NIPBL: variants seen among roughly 807,000 people sequenced by gnomAD.
NIPBL encodes the protein nipped-B-like protein.
Under a neutral mutation model 321.8 loss-of-function variants are expected in NIPBL, and 19 were observed. That is an observed-to-expected ratio of 0.06 (90% CI 0.04 to 0.09). NIPBL has a LOEUF of 0.09. NIPBL is among the 10% of genes least tolerant of loss of function. The pLI is 1.00. For synonymous variants in NIPBL, 1,106 were observed against 1,114.1 expected (o/e 0.99, Z 0.14); for missense variants, 2,210 against 3,327.0 (o/e 0.66, Z 8.26).
chr5:36,989,385 G>C (rs960425791), intron 10 of NIPBL, among the ~76,000 whole-genome samples: 2 of 152,104 alleles, frequency 1.3e-5, no homozygotes, highest in Non-Finnish European at 2.9e-5. Flanking sequence ...GGGAGGGGTG[G>C]AGGGGGCAGT....
At chr5:36,904,298 A>G (rs770823036) in intron 1 of NIPBL, among the ~76,000 whole-genome samples, 2 of 152,262 alleles carry the variant, frequency 1.3e-5, no homozygotes, top group East Asian at 1.9e-4. Flanking sequence ...GTGAAACCCT[A>G]TCTCTGCTAA....
intron 1 of NIPBL, among the ~76,000 whole-genome samples, chr5:36,934,944 ACACT>A (rs1385711029): frequency 6.6e-6 from 1 of 152,154 alleles, no homozygotes; most frequent in Non-Finnish European, 1.5e-5. Context: ...AGAAGGACTC[ACACT>A]CACCATGCGC....
chr5:36,991,670 C>G (rs34218486), intron 10 of NIPBL, among the ~76,000 whole-genome samples: 3 of 151,290 alleles, frequency 2.0e-5, no homozygotes, highest in African/African-American at 7.3e-5. Flanking sequence ...GTTGAAGATC[C>G]ATTTGGTGCT....
In NIPBL at chr5:36,984,826, G is replaced by A; in HGVS notation, c.1646G>A (p.Gly549Glu). 1 of 1,613,862 alleles carries A rather than the reference G, an allele frequency of 6.2e-7. No individual in the cohort carries two copies. The highest frequency in any genetic ancestry group is 8.5e-7 in the Non-Finnish European group (1 of 1,179,856). ...GTTAGCATTGATCTTCATCAGGCAG[G>A]AAGAGTGGACTCTCAGGCTTCTATA... ...LMVSIDLHQA[G>E]RVDSQASITQ... The change falls in exon 10 of 47, where the codon GGA becomes GAA. Residue 549 changes from glycine (G) to glutamate (E), a missense_variant. By Grantham distance (98) the Gly-to-Glu change is moderately conservative. Around this residue, in one of 14 missense-constraint regions of NIPBL, gnomAD observed 588 missense variants for 564.1 expected, o/e 1.04. Coordinates refer to ENST00000282516, the MANE Select transcript of NIPBL (RefSeq NM_133433.4).
intron 1 of NIPBL, chr5:36,886,494 T>C (rs961196509): frequency 1.8e-5 from 14 of 758,710 alleles, no homozygotes; most frequent in Non-Finnish European, 3.1e-5. Flanking sequence ...TTCTGAGACA[T>C]TAAGTCAGCA....
rs551379203 is a variant in NIPBL, at chr5:36,998,148, C to T, written c.3305-2225C>T. Among the ~76,000 whole-genome samples, 4 of 152,186 alleles carry T rather than the reference C, an allele frequency of 2.6e-5. No homozygotes were observed. The South Asian group carries it at 6.2e-4, about 24-fold the overall frequency. ...TAGAGAACACCCAAGTCATGTTTTACGTACCTCTCTTTTGAGTCCTTTCCC... is the reference window on the plus strand; with the variant it reads ...TAGAGAACACCCAAGTCATGTTTTATGTACCTCTCTTTTGAGTCCTTTCCC... On this transcript the variant is annotated intron_variant, in intron 11 of 46. Coordinates refer to ENST00000282516, the MANE Select transcript of NIPBL (RefSeq NM_133433.4).
At chr5:37,002,275 A>T (rs1185124990) in intron 14 of NIPBL, among the ~76,000 whole-genome samples, 1 of 152,124 alleles carries the variant, frequency 6.6e-6, no homozygotes, top group Non-Finnish European at 1.5e-5. Flanking sequence ...AGAGATATAA[A>T]TACTTTGACC....
intron 10 of NIPBL, among the ~76,000 whole-genome samples, chr5:36,989,532 G>A (rs1745236805): frequency 1.3e-5 from 2 of 152,048 alleles, no homozygotes; most frequent in Non-Finnish European, 1.5e-5. Flanking sequence ...AATGTATAGT[G>A]TCTCTAAATT....
intron 1 of NIPBL, among the ~76,000 whole-genome samples, chr5:36,953,385 G>A (rs978720376): frequency 2.0e-5 from 3 of 152,022 alleles, no homozygotes; most frequent in African/African-American, 7.2e-5. Context: ...TTTCCTCTTA[G>A]TAAAATGCAA....
rs1244648480 is a variant in NIPBL at position 36,970,983 on chromosome 5, A to C, written c.718A>C (p.Arg240=). Residue 240 remains arginine, a synonymous_variant, in exon 7 of 47, where the codon AGA becomes CGA. Transcript: ENST00000282516. ...NSANHHADNP[R]HGSSEDYLHM... ...AGCTAATCATCATGCTGATAATCCTAGACATGGTTCAAGTGAGGACTACCT... is the reference window on the plus strand; with the variant it reads ...AGCTAATCATCATGCTGATAATCCTCGACATGGTTCAAGTGAGGACTACCT... 6.2e-7 allele frequency: 1 copy of C among 1,613,612 alleles called. No homozygotes were observed. Among genetic ancestry groups the C allele is most frequent in the Non-Finnish European group, 8.5e-7 (1 of 1,179,678 alleles).
intron 1 of NIPBL, among the ~76,000 whole-genome samples, chr5:36,948,610 T>C (rs1379296929): frequency 6.6e-6 from 1 of 151,920 alleles, no homozygotes; most frequent in Non-Finnish European, 1.5e-5. Context: ...TTGTGCTTGG[T>C]AAGATTCATT....
intron 45 of NIPBL, among the ~76,000 whole-genome samples, chr5:37,062,792 C>T (rs1754889644): frequency 6.6e-6 from 1 of 152,098 alleles, no homozygotes; most frequent in Non-Finnish European, 1.5e-5. Flanking sequence ...TGGCGGTGTG[C>T]ACCTGTAGTC....
At chr5:37,054,912 CA>C (rs60354049) in intron 42 of NIPBL, among the ~76,000 whole-genome samples, 27 of 138,010 alleles carry the variant, frequency 2.0e-4, no homozygotes, top group African/African-American at 2.9e-4. Flanking sequence ...CTGTAGATGG[CA>C]AAAAAAAAAA....
chr5:36,882,752 A>G (rs1017586414), intron 1 of NIPBL, among the ~76,000 whole-genome samples: 1 of 151,952 alleles, frequency 6.6e-6, no homozygotes, highest in Admixed American at 6.6e-5. Flanking sequence ...AATTTATAAT[A>G]CAATTTTTGG....
intron 1 of NIPBL, among the ~76,000 whole-genome samples, chr5:36,915,574 G>A (rs533953758): frequency 3.3e-5 from 5 of 152,190 alleles, no homozygotes; most frequent in South Asian, 4.1e-4. Flanking sequence ...ATGAACAAAC[G>A]CCAAAGCTAT....
Position 37,052,510 on chromosome 5 carries a change from C to T in NIPBL, c.7207C>T (p.Arg2403Cys). ...CCTTTACTCCATGATCCGTGGAAACCGCCAACACAGACGAGCCTTTCTTAT... is the reference window on the plus strand; with the variant it reads ...CCTTTACTCCATGATCCGTGGAAACTGCCAACACAGACGAGCCTTTCTTAT... ...SHLYSMIRGN[R>C]QHRRAFLISL... Residue 2403 changes from arginine (R) to cysteine (C), a missense_variant, in exon 42 of 47, where the codon CGC becomes TGC. By Grantham distance (180) the Arg-to-Cys change is radical. Around this residue, in one of 14 missense-constraint regions of NIPBL, gnomAD observed 112 missense variants for 288.3 expected, o/e 0.39. Coordinates refer to ENST00000282516, the MANE Select transcript of NIPBL (RefSeq NM_133433.4). The T allele has an allele frequency of 6.2e-7, 1 of 1,614,126 alleles. No homozygotes were observed. The highest frequency in any genetic ancestry group is 8.5e-7 in the Non-Finnish European group (1 of 1,180,000).
chr5:37,047,993 T>A (rs1753153688), intron 38 of NIPBL, among the ~76,000 whole-genome samples: 1 of 152,192 alleles, frequency 6.6e-6, no homozygotes, highest in African/African-American at 2.4e-5. Flanking sequence ...TATTTTAATT[T>A]TTTTTTTAAA....
At chr5:36,989,839 CAAAAAA>C (rs374278669) in intron 10 of NIPBL, among the ~76,000 whole-genome samples, 2 of 73,450 alleles carry the variant, frequency 2.7e-5, no homozygotes, top group African/African-American at 1.2e-4. Context: ...ACTCTGTCTC[CAAAAAA>C]AAAAAAAAAA....
At chr5:36,911,790 A>G (rs1748070644) in intron 1 of NIPBL, among the ~76,000 whole-genome samples, 2 of 152,228 alleles carry the variant, frequency 1.3e-5, no homozygotes, top group Non-Finnish European at 2.9e-5. Context: ...TACCACAGAG[A>G]AAAATTAGCA....
Sources: gnomAD v4.1 joint callset for allele counts (sites outside exome capture counted in the v4.1 genomes callset) on GRCh38, gnomAD v4.1.1 for gene constraint, gnomAD v4.1.1 regional missense constraint, MANE v1.5 for transcripts, NCBI Gene and HGNC (gene_info 2026-07-23, HGNC 2026-07-21) for gene names.